LRMDA: variants seen among roughly 807,000 people sequenced by gnomAD.
LRMDA encodes the protein leucine rich melanocyte differentiation associated.
Under a neutral mutation model 29.8 loss-of-function variants are expected in LRMDA, and 18 were observed. The observed-to-expected ratio is 0.60, with a 90% CI of 0.42 to 0.90. The LOEUF (loss-of-function observed/expected upper bound fraction) is 0.90, where lower values mean the gene tolerates loss of function less well. Among genes scored for constraint, LRMDA ranks in the 40% least tolerant of loss-of-function variants. The probability of loss-of-function intolerance (pLI) is 0.00; values close to 1 mark genes in which losing one functional copy is unlikely to be tolerated. For synonymous variants in LRMDA, 125 were observed against 109.4 expected, an observed-to-expected ratio of 1.14 and a Z score of -0.89; for missense variants, 273 against 273.9, an observed-to-expected ratio of 1.00 and a Z score of 0.02.
chr10:75,816,309 TAAGGAGCAATC>T (rs1196929151), intron 2 of LRMDA, among the ~76,000 whole-genome samples: 1 of 152,184 alleles, frequency 6.6e-6, no homozygotes, highest in Non-Finnish European at 1.5e-5. Context: ...CTGGGAGAGC[TAAGGAGCAATC>T]AAGGACTAGA....
chr10:75,754,348 G>C (rs1843002020), intron 2 of LRMDA, among the ~76,000 whole-genome samples: 1 of 152,328 alleles, frequency 6.6e-6, no homozygotes, highest in Admixed American at 6.5e-5. Flanking sequence ...TTTCTATGAA[G>C]AGTTCATGTT....
At position 75,671,032 on chromosome 10, in the gene LRMDA, G is replaced by T. The variant is rs541728179; in HGVS notation, c.131+232538G>T. On this transcript the variant is annotated intron_variant, in intron 2 of 6. Coordinates refer to ENST00000611255, the MANE Select transcript of LRMDA (RefSeq NM_001305581.2). Reference sequence around the variant, plus strand: ...GTGGTCCCTCTTGGGAAAGTTGTCTGCCCCTGGTCCTCTCATTGTGGCCAT... The same window carrying T: ...GTGGTCCCTCTTGGGAAAGTTGTCTTCCCCTGGTCCTCTCATTGTGGCCAT... 1.4e-4 allele frequency among the ~76,000 whole-genome samples: 22 copies of T among 152,228 alleles called. No individual in the cohort carries two copies. The South Asian group carries it at 4.6e-3, about 32-fold the overall frequency.
At chr10:76,550,831 T>A (rs1458027620) in intron 6 of LRMDA, among the ~76,000 whole-genome samples, 1 of 152,076 alleles carries the variant, frequency 6.6e-6, no homozygotes, top group African/African-American at 2.4e-5. Flanking sequence ...CCTTTTAAAG[T>A]CTCTCTTCTT....
chr10:76,115,070 A>G (rs531552937), intron 5 of LRMDA, among the ~76,000 whole-genome samples: 1 of 152,330 alleles, frequency 6.6e-6, no homozygotes, highest in Non-Finnish European at 1.5e-5. Flanking sequence ...ATAGAGTGAC[A>G]AGGAGGCTCC....
chr10:76,379,796 G>A (rs755858798), intron 6 of LRMDA, among the ~76,000 whole-genome samples: 6 of 152,002 alleles, frequency 3.9e-5, no homozygotes, highest in African/African-American at 9.7e-5. Flanking sequence ...TTCTTGATGC[G>A]TGACCTTAGA....
chr10:75,673,304 T>C (rs987763756), intron 2 of LRMDA, among the ~76,000 whole-genome samples: 4 of 152,198 alleles, frequency 2.6e-5, no homozygotes, highest in Non-Finnish European at 5.9e-5. Flanking sequence ...AAAAACTGCA[T>C]AGGTCTAGCT....
intron 2 of LRMDA, among the ~76,000 whole-genome samples, chr10:75,901,834 T>C (rs1845678780): frequency 5.3e-5 from 8 of 152,226 alleles, no homozygotes; most frequent in Admixed American, 5.2e-4. Flanking sequence ...ATTTAAATAT[T>C]GACAACCTGT....
rs540422365 is a variant in LRMDA at position 75,544,488 on chromosome 10, T to G, written c.131+105994T>G. On this transcript the variant is annotated intron_variant, in intron 2 of 6. Transcript: ENST00000611255. Reference sequence around the variant, plus strand: ...AAAACCTTCAGAATTCTGACTTGGATATAGGGTGCTCGAAAGACAGTTTTT... The same window carrying G: ...AAAACCTTCAGAATTCTGACTTGGAGATAGGGTGCTCGAAAGACAGTTTTT... Among the ~76,000 whole-genome samples, 37 of 152,298 alleles carry G rather than the reference T, an allele frequency of 2.4e-4. No individual in the cohort carries two copies. The South Asian group carries it at 7.7e-3, about 32-fold the overall frequency.
intron 2 of LRMDA, among the ~76,000 whole-genome samples, chr10:75,983,141 A>G (rs1847203668): frequency 1.3e-5 from 2 of 152,142 alleles, no homozygotes; most frequent in South Asian, 2.1e-4. Context: ...GTAGTAAACA[A>G]TCCTAGATGT....
chr10:75,623,334 A>T (rs1348796976), intron 2 of LRMDA, among the ~76,000 whole-genome samples: 1 of 152,180 alleles, frequency 6.6e-6, no homozygotes, highest in African/African-American at 2.4e-5. Context: ...GGGAGCTTGT[A>T]AAATAAAGAA....
intron 2 of LRMDA, among the ~76,000 whole-genome samples, chr10:75,493,784 G>A (rs1473557020): frequency 1.3e-5 from 2 of 152,112 alleles, no homozygotes; most frequent in African/African-American, 2.4e-5. Context: ...TCATAACTCC[G>A]GGGAGAAGAG....
chr10:75,774,886 G>A (rs939640506), intron 2 of LRMDA, among the ~76,000 whole-genome samples: 1 of 152,178 alleles, frequency 6.6e-6, no homozygotes, highest in Non-Finnish European at 1.5e-5. Flanking sequence ...CTCCATAAAG[G>A]GTCATTGTTT....
chr10:76,526,641 A>G (rs139506917), intron 6 of LRMDA, among the ~76,000 whole-genome samples: 1 of 152,114 alleles, frequency 6.6e-6, no homozygotes, highest in Non-Finnish European at 1.5e-5. Context: ...TTTTTTGTAT[A>G]CCTAATAAAG....
intron 2 of LRMDA, among the ~76,000 whole-genome samples, chr10:75,599,636 C>G (rs902155925): frequency 1.3e-5 from 2 of 152,162 alleles, no homozygotes; most frequent in African/African-American, 4.8e-5. Flanking sequence ...CATGTAGATC[C>G]AAGCTGCGCT....
At chr10:75,531,665 CT>C (rs971675086) in intron 2 of LRMDA, among the ~76,000 whole-genome samples, 1 of 152,150 alleles carries the variant, frequency 6.6e-6, no homozygotes, top group African/African-American at 2.4e-5. Context: ...TGGACAGGGT[CT>C]TTTAATCACC....
At chr10:75,693,336 T>C (rs1210720513) in intron 2 of LRMDA, among the ~76,000 whole-genome samples, 2 of 152,230 alleles carry the variant, frequency 1.3e-5, no homozygotes, top group African/African-American at 4.8e-5. Context: ...TAAATACTTG[T>C]GACACCTTGC....
chr10:76,024,234 G>A (rs1160436548), intron 2 of LRMDA, among the ~76,000 whole-genome samples: 1 of 152,138 alleles, frequency 6.6e-6, no homozygotes, highest in Non-Finnish European at 1.5e-5. Context: ...TAACCAGAGA[G>A]GCAGACACAG....
intron 2 of LRMDA, among the ~76,000 whole-genome samples, chr10:75,567,162 A>G (rs1372789921): frequency 6.6e-6 from 1 of 151,156 alleles, no homozygotes. Flanking sequence ...TTTTTCTTCT[A>G]GATATTCTAA....
intron 2 of LRMDA, among the ~76,000 whole-genome samples, chr10:76,022,759 A>G (rs1012426245): frequency 1.3e-5 from 2 of 151,870 alleles, no homozygotes; most frequent in Non-Finnish European, 2.9e-5. Flanking sequence ...TGGCTAGGGG[A>G]TGCTCAATAA....
Sources: gnomAD v4.1 joint callset for allele counts (sites outside exome capture counted in the v4.1 genomes callset) on GRCh38, gnomAD v4.1.1 for gene constraint, MANE v1.5 for transcripts, NCBI Gene and HGNC (gene_info 2026-07-23, HGNC 2026-07-21) for gene names.